PIP4K2A: variants seen among roughly 807,000 people sequenced by gnomAD.
PIP4K2A encodes the protein phosphatidylinositol 5-phosphate 4-kinase type-2 alpha.
In PIP4K2A, 14 loss-of-function variants were observed where a neutral mutation model predicts 42.9. That is an observed-to-expected ratio of 0.33 (90% CI 0.22 to 0.51). The LOEUF (loss-of-function observed/expected upper bound fraction) is 0.51. Among genes scored for constraint, PIP4K2A ranks in the 20% least tolerant of loss-of-function variants. PIP4K2A has a pLI of 0.97. For synonymous variants in PIP4K2A, 192 were observed against 192.2 expected (o/e 1.00, Z 0.01); for missense variants, 434 against 519.8 (o/e 0.83, Z 1.61).
At chr10:22,623,802 C>T (rs1838382550) in intron 1 of PIP4K2A, among the ~76,000 whole-genome samples, 1 of 152,226 alleles carries the variant, frequency 6.6e-6, no homozygotes, top group Non-Finnish European at 1.5e-5. Flanking sequence ...ATGTTAAACA[C>T]ACAGGACCAA....
At chr10:22,560,286 A>C (rs1836655184) in intron 6 of PIP4K2A, among the ~76,000 whole-genome samples, 1 of 152,142 alleles carries the variant, frequency 6.6e-6, no homozygotes. Context: ...GCGGCAAATA[A>C]AGATTTCCAG....
intron 1 of PIP4K2A, chr10:22,713,932 TCACATGCA>T (rs548214928): frequency 6.7e-5 from 22 of 326,332 alleles, no homozygotes; most frequent in African/African-American, 3.9e-4. Context: ...ACCGTGAGAC[TCACATGCA>T]CACGGGACCC....
chr10:22,558,218 T>C (rs1836599822), intron 6 of PIP4K2A, among the ~76,000 whole-genome samples: 1 of 152,190 alleles, frequency 6.6e-6, no homozygotes, highest in Non-Finnish European at 1.5e-5. Context: ...CTGATTTACT[T>C]GTAATTCCAA....
At chr10:22,543,193 C>A in intron 7 of PIP4K2A, among the ~76,000 whole-genome samples, 1 of 152,152 alleles carries the variant, frequency 6.6e-6, no homozygotes, top group Middle Eastern at 3.2e-3. Context: ...ATGAGAAGCC[C>A]CGATTCCTTA....
At chr10:22,679,845 G>C (rs370236269) in intron 1 of PIP4K2A, among the ~76,000 whole-genome samples, 4 of 152,274 alleles carry the variant, frequency 2.6e-5, no homozygotes, top group East Asian at 3.9e-4. Flanking sequence ...ACAGGAAGCA[G>C]ATTAGTGGTT....
At chr10:22,539,198 G>C (rs1836019140) in intron 9 of PIP4K2A, among the ~76,000 whole-genome samples, 1 of 152,196 alleles carries the variant, frequency 6.6e-6, no homozygotes, top group Non-Finnish European at 1.5e-5. Context: ...CCAGGAGGGG[G>C]CTGGGTCCGG....
At chr10:22,601,662 C>G (rs1837782199) in intron 3 of PIP4K2A, among the ~76,000 whole-genome samples, 1 of 152,184 alleles carries the variant, frequency 6.6e-6, no homozygotes, top group African/African-American at 2.4e-5. Flanking sequence ...TAGAGTTGGA[C>G]CAAGGAGGAG....
chr10:22,687,766 T>C (rs528701195), intron 1 of PIP4K2A, among the ~76,000 whole-genome samples: 2 of 152,346 alleles, frequency 1.3e-5, no homozygotes, highest in African/African-American at 4.8e-5. Context: ...AAGTAAATGC[T>C]ATGTGAATAG....
At chr10:22,590,375 G>C (rs1837483752) in intron 4 of PIP4K2A, among the ~76,000 whole-genome samples, 1 of 152,118 alleles carries the variant, frequency 6.6e-6, no homozygotes, top group Non-Finnish European at 1.5e-5. Context: ...TTCTCCAAGT[G>C]ACTTAGTTGT....
intron 4 of PIP4K2A, among the ~76,000 whole-genome samples, chr10:22,580,498 AAAAG>A (rs768001936): frequency 1.2e-4 from 18 of 151,950 alleles, no homozygotes; most frequent in Non-Finnish European, 2.9e-5. Flanking sequence ...AAAAGAAAAT[AAAAG>A]AAAGACAGTG....
intron 1 of PIP4K2A, among the ~76,000 whole-genome samples, chr10:22,658,580 C>T (rs1049404204): frequency 9.9e-5 from 15 of 152,204 alleles, no homozygotes; most frequent in African/African-American, 3.6e-4. Flanking sequence ...AGAAGCTATT[C>T]TATACCTGCT....
intron 1 of PIP4K2A, among the ~76,000 whole-genome samples, chr10:22,701,012 T>A (rs566959839): frequency 6.6e-6 from 1 of 152,320 alleles, no homozygotes; most frequent in African/African-American, 2.4e-5. Context: ...ATACCCTTTA[T>A]GCTTTTCTAT....
rs1554807204 is a variant in PIP4K2A at position 22,664,088 on chromosome 10, T to TATAC, written c.144+50094_144+50095insGTAT. Among the ~76,000 whole-genome samples the TATAC allele has an allele frequency of 1.9e-3, 138 of 72,884 alleles. 9 individuals are homozygous for TATAC. Among genetic ancestry groups the TATAC allele is most frequent in the African/African-American group, 0.015 (135 of 9,002 alleles). The allele number at this position is 72,884 out of a possible 152,430, so 47.8% of individuals were successfully genotyped here. On this transcript the variant is annotated intron_variant, in intron 1 of 9. Transcript: ENST00000376573. ...ATATATATATATACGTATATATATA[T>TATAC]ACATATATATATATACATATATATA...
chr10:22,555,098 G>A (rs1282529632), intron 6 of PIP4K2A, among the ~76,000 whole-genome samples: 1 of 152,212 alleles, frequency 6.6e-6, no homozygotes, highest in Non-Finnish European at 1.5e-5. Context: ...CCTGCTTCCC[G>A]TTCGGATAAA....
chr10:22,540,534 A>G (rs952127423), intron 8 of PIP4K2A, among the ~76,000 whole-genome samples: 4 of 152,206 alleles, frequency 2.6e-5, no homozygotes, highest in Non-Finnish European at 5.9e-5. Context: ...TCAGAACTGG[A>G]TAAAGGCATA....
intron 1 of PIP4K2A, among the ~76,000 whole-genome samples, chr10:22,682,513 C>G (rs908970587): frequency 1.3e-5 from 2 of 152,114 alleles, no homozygotes; most frequent in Non-Finnish European, 2.9e-5. Context: ...AATTATTGGA[C>G]AGTAACAGTG....
In PIP4K2A at chr10:22,639,220, G is replaced by A. The variant is rs79415338; in HGVS notation, c.145-29503C>T. Among the ~76,000 whole-genome samples the A allele has an allele frequency of 3.2e-3, 480 of 152,172 alleles. 1 individual carries two copies. The highest frequency in any genetic ancestry group is 0.011 in the African/African-American group (452 of 41,510). ...TCCAAGGAAGCCAAGAAGGAATACC[G>A]AAAGCCATTTAGGTAACTGTCAACC... is the stretch of plus-strand genomic sequence containing the variant. On this transcript the variant is annotated intron_variant, in intron 1 of 9. Coordinates refer to ENST00000376573, the MANE Select transcript of PIP4K2A (RefSeq NM_005028.5).
chr10:22,551,133 A>G (rs1564416764), intron 6 of PIP4K2A, among the ~76,000 whole-genome samples: 1 of 152,210 alleles, frequency 6.6e-6, no homozygotes, highest in Non-Finnish European at 1.5e-5. Flanking sequence ...TTCTTGGAAT[A>G]CTTTCCCAGG....
intron 1 of PIP4K2A, among the ~76,000 whole-genome samples, chr10:22,696,183 A>G (rs1015360044): frequency 6.6e-6 from 1 of 152,202 alleles, no homozygotes; most frequent in African/African-American, 2.4e-5. Context: ...CAACTATAGA[A>G]TATTTCAACA....
Sources: allele counts gnomAD v4.1 joint callset (sites outside exome capture counted in the v4.1 genomes callset), GRCh38; gene constraint gnomAD v4.1.1; transcripts MANE v1.5; gene names NCBI Gene and HGNC (gene_info 2026-07-23, HGNC 2026-07-21).